The following SNRPN variants were observed in gnomAD, a reference collection of about 807,000 sequenced individuals.
The protein encoded by SNRPN is small nuclear ribonucleoprotein-associated protein N.
A neutral mutation model predicts 25.2 loss-of-function variants in SNRPN; 7 were observed. That is an observed-to-expected ratio of 0.28 (90% CI 0.16 to 0.52). The LOEUF is 0.52. Among genes scored for constraint, SNRPN ranks in the 20% least tolerant of loss-of-function variants. The pLI, the probability that SNRPN is intolerant of heterozygous loss-of-function variation, is 0.96. For synonymous variants in SNRPN, 124 were observed against 110.6 expected (o/e 1.12, Z -0.76); for missense variants, 196 against 322.5 (o/e 0.61, Z 3.00).
chr15:24,938,151 C>T (rs1480899332), intron 3 of SNRPN, among the ~76,000 whole-genome samples: 2 of 149,198 alleles, frequency 1.3e-5, no homozygotes, highest in Non-Finnish European at 3.0e-5. Context: ...TGCTCTTTCG[C>T]CCAGGCTGGA....
intron 2 of SNRPN, among the ~76,000 whole-genome samples, chr15:24,905,107 C>T (rs1369112127): frequency 7.0e-5 from 6 of 85,496 alleles, no homozygotes; most frequent in South Asian, 4.7e-4. Flanking sequence ...AGCAAGACTC[C>T]GTCTCAAAAA....
chr15:24,843,174 A>G (rs1214345255), intron 2 of SNRPN, among the ~76,000 whole-genome samples: 1 of 152,096 alleles, frequency 6.6e-6, no homozygotes. Flanking sequence ...CCTGGGCTCA[A>G]TGATTCTCCT....
intron 2 of SNRPN, 106 bp downstream of exon 2, chr15:24,962,315 A>G (rs1012622296): frequency 5.7e-6 from 5 of 872,420 alleles, no homozygotes; most frequent in African/African-American, 5.0e-5. Flanking sequence ...TTGAAGAAGC[A>G]GACACATCTA....
intron 1 of SNRPN, among the ~76,000 whole-genome samples, chr15:24,883,982 G>C (rs1204274029): frequency 1.4e-5 from 2 of 141,764 alleles, no homozygotes; most frequent in East Asian, 4.2e-4. Flanking sequence ...CTCCAGCTGG[G>C]ACAACAGAGC....
intron 3 of SNRPN, among the ~76,000 whole-genome samples, chr15:24,932,088 C>A (rs1477206353): frequency 6.6e-6 from 1 of 151,928 alleles, no homozygotes; most frequent in Non-Finnish European, 1.5e-5. Context: ...TTGGCTGGAA[C>A]AAAGAGTAAA....
At chr15:24,872,214 T>C (rs1232077965) in intron 1 of SNRPN, among the ~76,000 whole-genome samples, 1 of 116,304 alleles carries the variant, frequency 8.6e-6, no homozygotes, top group South Asian at 3.2e-4. Context: ...GTTGCCCAGG[T>C]TGGAGTGCAG....
intron 2 of SNRPN, among the ~76,000 whole-genome samples, chr15:24,896,557 C>CA (rs1433180317): frequency 6.6e-6 from 1 of 151,828 alleles, no homozygotes; most frequent in Non-Finnish European, 1.5e-5. Flanking sequence ...ACTAAAAATA[C>CA]AAAAAAACTA....
chr15:24,853,951 A>T (rs1417011890), upstream of SNRPN, among the ~76,000 whole-genome samples: 2 of 152,220 alleles, frequency 1.3e-5, no homozygotes, highest in Non-Finnish European at 2.9e-5. Flanking sequence ...CTGCAAAAAT[A>T]ATTTGGAATC....
chr15:24,974,354 C>T lies in SNRPN; in HGVS notation c.-100C>T, dbSNP rs1450875226. On this transcript the variant is annotated 5_prime_UTR_variant, in exon 4 of 10. Transcript: ENST00000390687. ...AGCTTCTGCCCAGCTTGCATTGTTT[C>T]TAGGAGAACCTGCGTCATACCTTTA... is the stretch of plus-strand genomic sequence containing the variant. The T allele has an allele frequency of 9.0e-7, 1 of 1,112,374 alleles. No individual in the cohort carries two copies. Among genetic ancestry groups the T allele is most frequent in the African/African-American group, 1.5e-5 (1 of 64,918 alleles). The allele number at this position is 1,112,374 out of a possible 1,614,324, so 68.9% of individuals were successfully genotyped here.
At chr15:24,911,299 G>T (rs545668250) in intron 2 of SNRPN, among the ~76,000 whole-genome samples, 4 of 152,198 alleles carry the variant, frequency 2.6e-5, no homozygotes, top group Non-Finnish European at 5.9e-5. Flanking sequence ...AAGGAGATTA[G>T]TATGACTAGA....
intron 3 of SNRPN, among the ~76,000 whole-genome samples, chr15:24,928,210 C>T (rs1276123537): frequency 1.3e-5 from 2 of 152,186 alleles, no homozygotes; most frequent in East Asian, 1.9e-4. Context: ...ACCCTGTGAA[C>T]CAGCAATTCC....
intron 2 of SNRPN, among the ~76,000 whole-genome samples, chr15:24,840,322 C>T (rs1423031892): frequency 6.6e-6 from 1 of 152,148 alleles, no homozygotes; most frequent in Non-Finnish European, 1.5e-5. Context: ...TGCACCATTG[C>T]ACTCTAACCT....
intron 1 of SNRPN, among the ~76,000 whole-genome samples, chr15:24,859,887 AG>A (rs1195187327): frequency 6.6e-6 from 1 of 152,206 alleles, no homozygotes; most frequent in Non-Finnish European, 1.5e-5. Context: ...GGAGGGATGT[AG>A]CACTGAGGAC....
chr15:24,912,016 C>T (rs1485827915), intron 2 of SNRPN, among the ~76,000 whole-genome samples: 2 of 152,168 alleles, frequency 1.3e-5, no homozygotes, highest in Admixed American at 1.3e-4. Flanking sequence ...TAAGCACTAC[C>T]CCAGTGTCTC....
chr15:24,911,160 C>A (rs2059191581), intron 2 of SNRPN: 2 of 554,870 alleles, frequency 3.6e-6, no homozygotes, highest in Admixed American at 7.9e-5. Context: ...CTGGAAAGGG[C>A]CAAAGAAAAT....
chr15:24,946,497 TCTCA>T (rs1256402779), intron 3 of SNRPN, among the ~76,000 whole-genome samples: 1 of 152,228 alleles, frequency 6.6e-6, no homozygotes, highest in Non-Finnish European at 1.5e-5. Flanking sequence ...AGTCTTGGAA[TCTCA>T]CTCTATCACC....
At position 24,879,342 on chromosome 15, in the gene SNRPN, C is replaced by T. The variant is rs547573797; in HGVS notation, c.-578-7174C>T. Among the ~76,000 whole-genome samples the T allele has an allele frequency of 8.1e-3, 1,228 of 151,654 alleles. 25 individuals carry two copies. The highest frequency in any genetic ancestry group is 6.1e-3 in the Non-Finnish European group (415 of 67,964). On this transcript the variant is annotated intron_variant, in intron 1 of 11. Transcript: ENST00000400097. ...GTCCTAGCTACTCGGGAGGCTGAGG[C>T]AGGAGAATTGCTTGAACCTGGGAGG...
At chr15:24,881,002 G>A (rs76728602) in intron 1 of SNRPN, among the ~76,000 whole-genome samples, 3,071 of 152,034 alleles carry the variant, frequency 0.02, 95 homozygotes, top group African/African-American at 0.07. Context: ...AATTATATTC[G>A]CTTTACCTGT....
intron 4 of SNRPN, chr15:24,974,811 G>A (rs2153684552): frequency 4.6e-6 from 3 of 651,768 alleles, no homozygotes; most frequent in South Asian, 1.7e-5. Flanking sequence ...CACCCACCTC[G>A]GCCTCCCAAA....
Sources: gnomAD v4.1 joint callset for allele counts (sites outside exome capture counted in the v4.1 genomes callset) on GRCh38, gnomAD v4.1.1 for gene constraint, MANE v1.5 for transcripts, NCBI Gene and HGNC (gene_info 2026-07-23, HGNC 2026-07-21) for gene names.